The following ITPRIPL1 variants were observed in gnomAD, a reference collection of about 807,000 sequenced individuals.
ITPRIPL1 encodes ITPRIP like 1.
ITPRIPL1 carries 28 observed loss-of-function variants against 40.0 expected under a neutral mutation model. The ratio of observed to expected loss-of-function variants is 0.70; its 90% CI spans 0.52 to 0.96. The LOEUF is 0.96. Among genes scored for constraint, ITPRIPL1 ranks in the 40% least tolerant of loss-of-function variants. The pLI is 0.00. For missense variants in ITPRIPL1, 638 were observed against 698.0 expected (o/e 0.91, Z 0.97); for synonymous variants, 251 against 275.7 (o/e 0.91, Z 0.89).
At chr2:96,329,011 C>G (rs1467830964), downstream of ITPRIPL1, 2 of 151,496 alleles carry the variant, frequency 1.3e-5, no homozygotes, top group East Asian at 3.9e-4. Context: ...TGGCGCGCAC[C>G]TGTAGTCCCA....
rs2064100581 is a variant in ITPRIPL1 at position 96,325,796 on chromosome 2, G to C, written c.-44G>C. 1 of 1,611,718 alleles carries C rather than the reference G, an allele frequency of 6.2e-7. No individual in the cohort carries two copies. The highest frequency in any genetic ancestry group is 8.5e-7 in the Non-Finnish European group (1 of 1,177,808). Reference sequence around the variant, plus strand: ...GAAGCAAGGCCAAGTTCCAAAGGGAGGATAGGCCCAGCTGGCTTCAGCGTC... The same window carrying C: ...GAAGCAAGGCCAAGTTCCAAAGGGACGATAGGCCCAGCTGGCTTCAGCGTC... On this transcript the variant is annotated 5_prime_UTR_variant, in exon 2 of 3. Coordinates refer to ENST00000439118, the MANE Select transcript of ITPRIPL1 (RefSeq NM_001008949.3).
Position 96,327,609 on chromosome 2 carries a change from G to T in ITPRIPL1, c.978G>T (p.Met326Ile). ...CTGTGCAGTGGTTCCGGAACATGAT[G>T]GGCAATGCCTGGGCCCTTGTGGCCC... ...CKTVQWFRNMMGNAWALVAHK... is the reference protein window; with the variant it reads ...CKTVQWFRNMIGNAWALVAHK... Residue 326 changes from methionine (M) to isoleucine (I), a missense_variant, in exon 3 of 3, where the codon ATG becomes ATT. By Grantham distance (10) the Met-to-Ile change is conservative (BLOSUM62 1). Coordinates refer to ENST00000439118, the MANE Select transcript of ITPRIPL1 (RefSeq NM_001008949.3). 1 of 1,609,172 alleles carries T rather than the reference G, an allele frequency of 6.2e-7. No individual in the cohort carries two copies. Among genetic ancestry groups the T allele is most frequent in the South Asian group, 1.1e-5 (1 of 90,426 alleles).
chr2:96,327,507 C>T lies in ITPRIPL1; in HGVS notation c.876C>T (p.Pro292=). The T allele has an allele frequency of 6.2e-7, 1 of 1,614,062 alleles. No homozygotes were observed. The highest frequency in any genetic ancestry group is 2.2e-5 in the East Asian group (1 of 44,878). ...GCCTGGTGCACCACCACAGGGACCC[C>T]TCGGCAGTCTTGGGGAAGTGTAGTA... ...VLCLVHHHRD[P]SAVLGKCSSS... Residue 292 remains proline, a synonymous_variant, in exon 3 of 3, where the codon CCC becomes CCT. Coordinates refer to ENST00000439118, the MANE Select transcript of ITPRIPL1 (RefSeq NM_001008949.3).
Position 96,328,201 on chromosome 2 carries a change from C to T in ITPRIPL1, c.1570C>T (p.Leu524Phe), listed in dbSNP as rs781541816. Residue 524 changes from leucine to phenylalanine, a missense_variant, in exon 3 of 3, where the codon CTC becomes TTC. Coordinates refer to ENST00000439118, the MANE Select transcript of ITPRIPL1 (RefSeq NM_001008949.3). ...GGTCAATCTCTTCCAACACCTGGTG[C>T]TCAACCCCAAGGCACATTCACAGGC... ...EPVNLFQHLV[L>F]NPKAHSQAVE... The T allele has an allele frequency of 6.2e-7, 1 of 1,614,160 alleles. No individual in the cohort carries two copies. Among genetic ancestry groups the T allele is most frequent in the Non-Finnish European group, 8.5e-7 (1 of 1,180,024 alleles).
chr2:96,328,144 C>A lies in ITPRIPL1; in HGVS notation c.1513C>A (p.Pro505Thr). 6.2e-7 allele frequency: 1 copy of A among 1,614,062 alleles called. No homozygotes were observed. The highest frequency in any genetic ancestry group is 8.5e-7 in the Non-Finnish European group (1 of 1,180,010). Residue 505 changes from proline (P) to threonine (T), a missense_variant, in exon 3 of 3, where the codon CCA becomes ACA. Transcript: ENST00000439118. The part of the protein sequence containing the change: ...IGNNFLPLTI[P>T]IPKTFRNAEP... The stretch of plus-strand genomic sequence containing the variant: ...TAACAATTTTCTGCCCCTGACCATC[C>A]CAATCCCTAAGACATTTAGGAATGC...
At chr2:96,326,540 C>T in intron 2 of ITPRIPL1, 102 bp from the exon 3 acceptor site, 1 of 1,574,804 alleles carries the variant, frequency 6.3e-7, no homozygotes, top group African/African-American at 1.4e-5. Context: ...TCCTGAGTAG[C>T]TGATTTTCAG....
At chr2:96,328,597 A>C (rs2064139219), downstream of ITPRIPL1, 2 of 298,704 alleles carry the variant, frequency 6.7e-6, no homozygotes, top group South Asian at 1.2e-4. Flanking sequence ...GGTGAGATCC[A>C]GAGGGTCACT....
rs1271438701 is a variant in ITPRIPL1, at chr2:96,327,187, A to G, written c.556A>G (p.Thr186Ala). The stretch of plus-strand genomic sequence containing the variant: ...AAATGCCATCCGTGACCTGCCCTGC[A>G]CCTGTGAGTTTGTGGAGAGTTTTGT... Reference protein sequence around the residue: ...VQNAIRDLPCTCEFVESFVDD... With the variant: ...VQNAIRDLPCACEFVESFVDD... Residue 186 changes from threonine to alanine, a missense_variant, in exon 3 of 3, where the codon ACC becomes GCC. Transcript: ENST00000439118. 6.2e-7 allele frequency: 1 copy of G among 1,614,098 alleles called. No homozygotes were observed. Among genetic ancestry groups the G allele is most frequent in the Non-Finnish European group, 8.5e-7 (1 of 1,180,016 alleles).
In ITPRIPL1 at chr2:96,325,862, G is replaced by A; in HGVS notation, c.10+13G>A. On this transcript the variant is annotated intron_variant, in intron 2 of 2. Transcript: ENST00000439118. ...TTCATGAATGTTGGTAAGCGCGGTA[G>A]CTTGTGAATTAGGGTGAGTGGCAGA... 1.2e-6 allele frequency: 2 copies of A among 1,613,924 alleles called. No individual in the cohort carries two copies. Among genetic ancestry groups the A allele is most frequent in the Non-Finnish European group, 1.7e-6 (2 of 1,179,788 alleles).
At chr2:96,329,156 T>C (rs2064143365), downstream of ITPRIPL1, 1 of 30,044 alleles carries the variant, frequency 3.3e-5, no homozygotes, top group African/African-American at 1.8e-4. Flanking sequence ...AAATTATATA[T>C]ATATATATAT....
At chr2:96,328,527 A>C, downstream of ITPRIPL1, 1 of 471,646 alleles carries the variant, frequency 2.1e-6, no homozygotes. Context: ...GCTAACTTTC[A>C]TCATGACCCA....
chr2:96,326,870 C>T lies in ITPRIPL1; in HGVS notation c.239C>T (p.Thr80Ile), dbSNP rs2064113225. 2 of 1,614,116 alleles carry T rather than the reference C, an allele frequency of 1.2e-6. No individual in the cohort carries two copies. The highest frequency in any genetic ancestry group is 1.7e-6 in the Non-Finnish European group (2 of 1,180,044). The change falls in exon 3 of 3, where the codon ACA becomes ATA. Residue 80 changes from threonine (T) to isoleucine (I), a missense_variant. Physicochemically the swap from Thr to Ile is moderately conservative, Grantham distance 89. Coordinates refer to ENST00000439118, the MANE Select transcript of ITPRIPL1 (RefSeq NM_001008949.3). ...QKAENFWTGD[T>I]SSDQLVLGKK... ...GCAGAGAACTTCTGGACAGGAGACACATCCAGTGACCAGTTAGTGCTGGGG... is the reference window on the plus strand; with the variant it reads ...GCAGAGAACTTCTGGACAGGAGACATATCCAGTGACCAGTTAGTGCTGGGG...
chr2:96,328,105 C>G lies in ITPRIPL1; in HGVS notation c.1474C>G (p.His492Asp). 1 of 1,614,134 alleles carries G rather than the reference C, an allele frequency of 6.2e-7. No individual in the cohort carries two copies. ...GRGLQQRSLH[H>D]FLIGNNFLPL... Reference sequence around the variant, plus strand: ...TGGCCTCCAGCAAAGGTCCCTCCATCATTTCCTCATTGGTAACAATTTTCT... The same window carrying G: ...TGGCCTCCAGCAAAGGTCCCTCCATGATTTCCTCATTGGTAACAATTTTCT... The change falls in exon 3 of 3, where the codon CAT (histidine) becomes GAT (aspartate). Residue 492 changes from histidine (H) to aspartate (D), a missense_variant. His to Asp is a moderately conservative substitution (Grantham distance 81). Coordinates refer to ENST00000439118, the MANE Select transcript of ITPRIPL1 (RefSeq NM_001008949.3).
chr2:96,326,203 C>A, intron 2 of ITPRIPL1: 1 of 1,450,070 alleles, frequency 6.9e-7, no homozygotes, highest in Non-Finnish European at 9.2e-7. Context: ...GCTGCCGGGG[C>A]AGAGGAAAGG....
rs1448936870 is a variant in ITPRIPL1, at chr2:96,326,669, G to A, written c.38G>A (p.Ser13Asn). Residue 13 changes from serine (S) to asparagine (N), a missense_variant, in exon 3 of 3, where the codon AGC becomes AAC. Transcript: ENST00000439118. ...GCAGAGGCCTCCATGGCTGTGATAA[G>A]CCTGCTGTTCTTGGCAGTGATGTAT... Reference protein sequence around the residue: ...VDAEASMAVISLLFLAVMYVV... With the variant: ...VDAEASMAVINLLFLAVMYVV... The A allele has an allele frequency of 1.9e-6, 3 of 1,614,236 alleles. No individual in the cohort carries two copies. The highest frequency in any genetic ancestry group is 3.3e-4 in the Middle Eastern group (2 of 6,062).
chr2:96,326,115 GAGTGA>G (rs1016645207), intron 2 of ITPRIPL1: 16 of 1,435,712 alleles, frequency 1.1e-5, no homozygotes, highest in Admixed American at 2.0e-5. Context: ...GGGAGAGGCT[GAGTGA>G]TGAGGCTCAC....
downstream of ITPRIPL1, chr2:96,328,449 G>A (rs1305749900): frequency 1.3e-6 from 1 of 745,982 alleles, no homozygotes; most frequent in Non-Finnish European, 2.1e-6. Context: ...CGTGTGAGGT[G>A]GTCATGAGGA....
In ITPRIPL1 at chr2:96,327,666, G is replaced by A. The variant is rs753087302; in HGVS notation, c.1035G>A (p.Pro345=). Reference sequence around the variant, plus strand: ...ATGACTTTAAACTCAGTCTCCCACCGTCTACCACCTCCTGCAAGCTCCGGC... The same window carrying A: ...ATGACTTTAAACTCAGTCTCCCACCATCTACCACCTCCTGCAAGCTCCGGC... ...HKYDFKLSLP[P]STTSCKLRLD... The change falls in exon 3 of 3, where the codon CCG becomes CCA. Residue 345 remains proline (P), a synonymous_variant. Transcript: ENST00000439118. The A allele has an allele frequency of 1.5e-5, 24 of 1,613,032 alleles. No individual in the cohort carries two copies. In the African/African-American group the frequency reaches 2.0e-4, roughly 13 times the overall value.
chr2:96,329,191 A>ATATC (rs1438410596), downstream of ITPRIPL1: 3 of 111,396 alleles, frequency 2.7e-5, no homozygotes, highest in Non-Finnish European at 3.6e-5. Context: ...ATATATATAT[A>ATATC]TATCTCCAAG....
Sources: gnomAD v4.1 joint callset for allele counts on GRCh38, gnomAD v4.1.1 for gene constraint, MANE v1.5 for transcripts, NCBI Gene and HGNC (gene_info 2026-07-23, HGNC 2026-07-21) for gene names.